The following TMEM273 variants were observed in gnomAD, a reference collection of about 807,000 sequenced individuals.
TMEM273 encodes the protein chromosome 10 open reading frame 128.
TMEM273 carries 19 observed loss-of-function variants against 17.9 expected under a neutral mutation model. The observed-to-expected ratio is 1.06, with a 90% CI of 0.74 to 1.55. TMEM273 has a LOEUF of 1.55. TMEM273 is among the 40% of genes most tolerant of loss of function. The pLI, the probability that TMEM273 is intolerant of heterozygous loss-of-function variation, is 0.00. For missense variants in TMEM273, 194 were observed against 155.6 expected, an observed-to-expected ratio of 1.25 and a Z score of -1.31; for synonymous variants, 66 against 62.0, an observed-to-expected ratio of 1.07 and a Z score of -0.31.
At chr10:49,170,194 A>G (rs1313902361) in intron 1 of TMEM273, among the ~76,000 whole-genome samples, 1 of 152,262 alleles carries the variant, frequency 6.6e-6, no homozygotes, top group African/African-American at 2.4e-5. Context: ...AGACACACTC[A>G]GGCTGTGCTT....
intron 2 of TMEM273, 105 bp downstream of exon 2, chr10:49,167,804 A>C: frequency 6.9e-7 from 1 of 1,448,664 alleles, no homozygotes; most frequent in Non-Finnish European, 9.6e-7. Flanking sequence ...TCCTATGCTG[A>C]CAGCAGGGAA....
At chr10:49,168,038 G>A in intron 1 of TMEM273, 76 bp from the exon 2 acceptor site, 2 of 1,579,632 alleles carry the variant, frequency 1.3e-6, no homozygotes, top group Non-Finnish European at 1.7e-6. Flanking sequence ...TCAGAGGCCT[G>A]GGAAAGCCTA....
At chr10:49,179,361 A>G (rs562660472) in intron 1 of TMEM273, among the ~76,000 whole-genome samples, 1 of 152,298 alleles carries the variant, frequency 6.6e-6, no homozygotes, top group South Asian at 2.1e-4. Flanking sequence ...GAGACTCCCC[A>G]GCAGGCATTC....
chr10:49,171,032 A>G (rs1218900536), intron 1 of TMEM273, among the ~76,000 whole-genome samples: 1 of 152,190 alleles, frequency 6.6e-6, no homozygotes, highest in Non-Finnish European at 1.5e-5. Context: ...GGGAGACCCC[A>G]GGAGGAAGCC....
In TMEM273 at chr10:49,165,843, G is replaced by T. The variant is rs769773402; in HGVS notation, c.239-47C>A. The T allele has an allele frequency of 7.4e-6, 12 of 1,611,412 alleles. No individual in the cohort carries two copies. The South Asian group carries it at 9.9e-5, about 13-fold the overall frequency. The stretch of plus-strand genomic sequence containing the variant: ...TTAGGAAGGGGGTCGTGTGACAAGA[G>T]GTGCAGAGCATTCCCTAGAGCTTTC... On this transcript the variant is annotated intron_variant, in intron 3 of 6. Coordinates refer to ENST00000374153, the MANE Select transcript of TMEM273 (RefSeq NM_001288740.3).
chr10:49,163,740 G>C (rs1353546472), intron 5 of TMEM273, among the ~76,000 whole-genome samples: 2 of 152,166 alleles, frequency 1.3e-5, no homozygotes, highest in Non-Finnish European at 2.9e-5. Flanking sequence ...AGGAGAGATG[G>C]GGTGCTGGGA....
chr10:49,175,377 G>A (rs1846885167), intron 1 of TMEM273, among the ~76,000 whole-genome samples: 1 of 152,188 alleles, frequency 6.6e-6, no homozygotes, highest in Non-Finnish European at 1.5e-5. Context: ...ACGCCACCCT[G>A]GGCAGGAACG....
At chr10:49,167,677 G>A (rs574829830) in intron 2 of TMEM273, among the ~76,000 whole-genome samples, 12 of 152,228 alleles carry the variant, frequency 7.9e-5, no homozygotes, top group African/African-American at 2.4e-5. Flanking sequence ...CTGGAGCCAC[G>A]CATCTGTGGC....
At chr10:49,178,230 C>T (rs1847117842) in intron 1 of TMEM273, 2 of 457,258 alleles carry the variant, frequency 4.4e-6, no homozygotes, top group South Asian at 3.1e-5. Context: ...GTCCATGCTG[C>T]CCTTGCCCGG....
chr10:49,172,545 A>T (rs949578551), intron 1 of TMEM273, among the ~76,000 whole-genome samples: 2 of 151,704 alleles, frequency 1.3e-5, no homozygotes. Context: ...GGTTTGTTCC[A>T]CCTTCGAGCC....
chr10:49,182,652 C>A (rs1479156275), intron 1 of TMEM273, among the ~76,000 whole-genome samples: 1 of 152,086 alleles, frequency 6.6e-6, no homozygotes, highest in East Asian at 1.9e-4. Flanking sequence ...AGATGCAGAC[C>A]TCTAATAAAA....
chr10:49,165,957 C>A (rs1486027294), intron 3 of TMEM273, among the ~76,000 whole-genome samples, 161 bp from the exon 4 acceptor site: 1 of 152,172 alleles, frequency 6.6e-6, no homozygotes, highest in Non-Finnish European at 1.5e-5. Context: ...GTTTCCTCCC[C>A]TTATTTGTGG....
intron 1 of TMEM273, among the ~76,000 whole-genome samples, chr10:49,186,110 G>GAAGAAGAAGAAGAATAAGAAGAA (rs59346438): frequency 8.4e-5 from 7 of 83,490 alleles, no homozygotes; most frequent in Non-Finnish European, 1.4e-4. Context: ...AAGAAGAAGA[G>GAAGAAGAAGAAGAATAAGAAGAA]GAAGAAGAAG....
intron 6 of TMEM273, among the ~76,000 whole-genome samples, chr10:49,157,779 C>A (rs1005644142): frequency 6.6e-6 from 1 of 152,178 alleles, no homozygotes; most frequent in Non-Finnish European, 1.5e-5. Flanking sequence ...GTCTGGCAGA[C>A]GCATGTTGTA....
At chr10:49,186,044 A>AGAAGAG (rs1847657179) in intron 1 of TMEM273, among the ~76,000 whole-genome samples, 2 of 143,494 alleles carry the variant, frequency 1.4e-5, no homozygotes, top group Admixed American at 1.4e-4. Flanking sequence ...AAAAAGAAGA[A>AGAAGAG]GAAGAAGAGG....
chr10:49,162,918 C>T (rs1213612419), intron 5 of TMEM273, among the ~76,000 whole-genome samples: 2 of 152,240 alleles, frequency 1.3e-5, no homozygotes, highest in Admixed American at 1.3e-4. Flanking sequence ...TGTGTGAAAA[C>T]CCTTATAATG....
At chr10:49,158,911 A>G (rs1845676191) in intron 6 of TMEM273, among the ~76,000 whole-genome samples, 1 of 152,242 alleles carries the variant, frequency 6.6e-6, no homozygotes, top group Non-Finnish European at 1.5e-5. Flanking sequence ...ATGCACAGAT[A>G]TATACATCTA....
intron 1 of TMEM273, among the ~76,000 whole-genome samples, chr10:49,182,811 T>A (rs1847428043): frequency 6.6e-6 from 1 of 152,200 alleles, no homozygotes. Context: ...AAGGTTTTTT[T>A]AATCAGGATG....
rs753092591 is a variant in TMEM273 at position 49,165,722 on chromosome 10, G to A, written c.269+44C>T. 18 of 1,612,588 alleles carry A rather than the reference G, an allele frequency of 1.1e-5. No homozygotes were observed. In the Admixed American group the frequency reaches 2.5e-4, roughly 22 times the overall value. On this transcript the variant is annotated intron_variant, in intron 4 of 6. Coordinates refer to ENST00000374153, the MANE Select transcript of TMEM273 (RefSeq NM_001288740.3). ...AGGGAGTGGCACGGTCAAGACAGGA[G>A]AGAACACGATACCTCTCCCTGACTG...
Sources: allele counts gnomAD v4.1 joint callset (sites outside exome capture counted in the v4.1 genomes callset), GRCh38; gene constraint gnomAD v4.1.1; transcripts MANE v1.5; gene names NCBI Gene and HGNC (gene_info 2026-07-23, HGNC 2026-07-21).